VWA3A: variants seen among roughly 807,000 people sequenced by gnomAD.
The protein encoded by VWA3A is von Willebrand factor A domain containing 3A.
In VWA3A, 134 loss-of-function variants were observed where a neutral mutation model predicts 160.4. That is an observed-to-expected ratio of 0.84 (90% CI 0.73 to 0.96). VWA3A has a LOEUF of 0.96. Among genes scored for constraint, VWA3A ranks in the 40% least tolerant of loss-of-function variants. The pLI is 0.00. For synonymous variants in VWA3A, 476 were observed against 543.4 expected (o/e 0.88, Z 1.72); for missense variants, 1,310 against 1,447.9 (o/e 0.90, Z 1.55).
chr16:22,097,002 G>A, intron 2 of VWA3A, 57 bp downstream of exon 2: 1 of 1,159,126 alleles, frequency 8.6e-7, no homozygotes, highest in Non-Finnish European at 1.2e-6. Context: ...TTCTCGCACT[G>A]TCTCCCAGGC....
At chr16:22,150,424 A>G (rs900469049) in intron 29 of VWA3A, among the ~76,000 whole-genome samples, 2 of 152,210 alleles carry the variant, frequency 1.3e-5, no homozygotes, top group African/African-American at 4.8e-5. Flanking sequence ...ATTAAAAAAA[A>G]TAGATGAAGA....
intron 27 of VWA3A, chr16:22,147,640 C>A: frequency 1.4e-6 from 1 of 703,216 alleles, no homozygotes; most frequent in South Asian, 1.5e-5. Context: ...ACTGCTGCTT[C>A]AGGTACAGTT....
chr16:22,097,504 G>A (rs1037400474), intron 2 of VWA3A, 68 bp from the exon 3 acceptor site: 4 of 1,531,490 alleles, frequency 2.6e-6, no homozygotes, highest in Non-Finnish European at 3.5e-6. Flanking sequence ...GCAAAGAGAG[G>A]AGGCACTGGG....
At chr16:22,129,637 A>G (rs2045914371) in intron 17 of VWA3A, among the ~76,000 whole-genome samples, 1 of 152,228 alleles carries the variant, frequency 6.6e-6, no homozygotes. Flanking sequence ...TAGCCAAGAA[A>G]TAAGGGGTTT....
At chr16:22,106,896 G>A (rs2045490337) in intron 6 of VWA3A, among the ~76,000 whole-genome samples, 1 of 152,182 alleles carries the variant, frequency 6.6e-6, no homozygotes, top group Admixed American at 6.5e-5. Flanking sequence ...ACTTGCTGAT[G>A]GATTGGATAG....
At chr16:22,110,814 A>C (rs573853879) in intron 7 of VWA3A, 74 bp from the exon 8 acceptor site, 306 of 1,422,440 alleles carry the variant, frequency 2.2e-4, no homozygotes, top group Non-Finnish European at 2.7e-4. Flanking sequence ...AGGGGCCAGC[A>C]AAGGCCAGAG....
rs1012015030 is a variant in VWA3A, at chr16:22,147,712, A to T, written c.2840-450A>T. On this transcript the variant is annotated intron_variant, in intron 27 of 33. Transcript: ENST00000389398. The stretch of plus-strand genomic sequence containing the variant: ...GAGCCTCTCTCCACCCTCGGTTCAC[A>T]TTACCCCTGGGAACGGTGACATAAA... 5.7e-6 allele frequency: 4 copies of T among 700,394 alleles called. No homozygotes were observed. In the African/African-American group the frequency reaches 7.0e-5, roughly 12 times the overall value. 43.4% of individuals were successfully genotyped at this position (700,394 alleles called of 1,614,324 possible).
chr16:22,115,613 C>A, intron 9 of VWA3A, 141 bp downstream of exon 9: 1 of 965,336 alleles, frequency 1.0e-6, no homozygotes, highest in Non-Finnish European at 1.5e-6. Context: ...AGGAGGATTG[C>A]TCGAAGCCAG....
intron 30 of VWA3A, 63 bp from the exon 31 acceptor site, chr16:22,152,448 G>A: frequency 4.4e-6 from 7 of 1,594,362 alleles, no homozygotes; most frequent in Non-Finnish European, 6.0e-6. Flanking sequence ...ATGGACGTGG[G>A]GAGTCACACG....
chr16:22,125,406 GTGTTT>G (rs112076824), intron 16 of VWA3A, among the ~76,000 whole-genome samples: 35,382 of 148,900 alleles, frequency 0.24, 5,411 homozygotes, highest in African/African-American at 0.43. Flanking sequence ...TTTGTTGTGT[GTGTTT>G]TGTTTTGTTT....
chr16:22,153,696 T>C (rs1338025890), intron 31 of VWA3A, among the ~76,000 whole-genome samples: 1 of 152,130 alleles, frequency 6.6e-6, no homozygotes. Flanking sequence ...ATTCCAGATT[T>C]CTTTTCAGAG....
At chr16:22,138,291 CTGTGTGTGTGTG>C in intron 21 of VWA3A, 57 bp from the exon 22 acceptor site, 1 of 1,357,372 alleles carries the variant, frequency 7.4e-7, no homozygotes, top group Non-Finnish European at 1.0e-6. Context: ...GTCCCTCCTG[CTGTGTGTGTGTG>C]TGTGTGTGTG....
intron 6 of VWA3A, 128 bp from the exon 7 acceptor site, chr16:22,109,354 G>A (rs1353347932): frequency 2.7e-6 from 2 of 731,820 alleles, no homozygotes; most frequent in Non-Finnish European, 4.6e-6. Flanking sequence ...TATAAAATGA[G>A]GTTTCCATCT....
chr16:22,101,226 T>C (rs1364320155), intron 5 of VWA3A, among the ~76,000 whole-genome samples: 1 of 151,838 alleles, frequency 6.6e-6, no homozygotes, highest in African/African-American at 2.4e-5. Flanking sequence ...CACTGCACTC[T>C]AGCCTGGGCA....
chr16:22,123,775 A>G, intron 16 of VWA3A, 68 bp downstream of exon 16: 1 of 1,406,182 alleles, frequency 7.1e-7, no homozygotes, highest in East Asian at 2.3e-5. Context: ...TATCCGCCTC[A>G]TGAATTCCCT....
intron 31 of VWA3A, among the ~76,000 whole-genome samples, chr16:22,154,720 C>T (rs1416745507): frequency 6.8e-6 from 1 of 146,654 alleles, no homozygotes; most frequent in Non-Finnish European, 1.5e-5. Flanking sequence ...TTTGGGACGC[C>T]GAGGCGGGTG....
chr16:22,094,094 T>C (rs2045278773), intron 1 of VWA3A, among the ~76,000 whole-genome samples: 1 of 152,102 alleles, frequency 6.6e-6, no homozygotes, highest in Non-Finnish European at 1.5e-5. Context: ...TCTGGAGCAC[T>C]ATTTTGTTTT....
chr16:22,100,477 G>A lies in VWA3A; in HGVS notation c.412G>A (p.Glu138Lys), dbSNP rs1403332794. The stretch of plus-strand genomic sequence containing the variant: ...CTCCACCCAGATCATCCGCCATTTT[G>A]AGTCAAAGCTTTCTGAGTAAGTATG... ...CFSTQIIRHFESKLSDTIEVY... is the reference protein window; with the variant it reads ...CFSTQIIRHFKSKLSDTIEVY... The change falls in exon 5 of 34, where the codon GAG becomes AAG. Residue 138 changes from glutamate to lysine, a missense_variant. Physicochemically the swap from Glu to Lys is moderately conservative, Grantham distance 56 (BLOSUM62 1). Coordinates refer to ENST00000389398, the MANE Select transcript of VWA3A (RefSeq NM_173615.5). 17 of 1,551,430 alleles carry A rather than the reference G, an allele frequency of 1.1e-5. No homozygotes were observed. Among genetic ancestry groups the A allele is most frequent in the Non-Finnish European group, 1.5e-5 (17 of 1,146,998 alleles).
chr16:22,100,420 G>A lies in VWA3A; in HGVS notation c.355G>A (p.Glu119Lys). The A allele has an allele frequency of 6.4e-7, 1 of 1,551,644 alleles. No homozygotes were observed. The highest frequency in any genetic ancestry group is 8.7e-7 in the Non-Finnish European group (1 of 1,147,004). The change falls in exon 5 of 34, where the codon GAG becomes AAG. Residue 119 changes from glutamate to lysine, a missense_variant. Coordinates refer to ENST00000389398, the MANE Select transcript of VWA3A (RefSeq NM_173615.5). ...CATAAGGCTTTGCTTCTTCAGGGAGGAGGGCACCAATGTCGTGCAGAAAAT... is the reference window on the plus strand; with the variant it reads ...CATAAGGCTTTGCTTCTTCAGGGAGAAGGGCACCAATGTCGTGCAGAAAAT... Reference protein sequence around the residue: ...LISQGTEVLEEGTNVVQKICF... With the variant: ...LISQGTEVLEKGTNVVQKICF...
Sources: gnomAD v4.1 joint callset for allele counts (sites outside exome capture counted in the v4.1 genomes callset) on GRCh38, gnomAD v4.1.1 for gene constraint, MANE v1.5 for transcripts, NCBI Gene and HGNC (gene_info 2026-07-23, HGNC 2026-07-21) for gene names.